ARMH3: variants seen among roughly 807,000 people sequenced by gnomAD.
ARMH3 encodes armadillo-like helical domain-containing protein 3.
In ARMH3, 60 loss-of-function variants were observed where a neutral mutation model predicts 99.1. The ratio of observed to expected loss-of-function variants is 0.61; its 90% CI spans 0.49 to 0.75. ARMH3 has a LOEUF of 0.75. ARMH3 is among the 30% of genes least tolerant of loss of function. The pLI is 0.00. For synonymous variants in ARMH3, 285 were observed against 292.8 expected, an observed-to-expected ratio of 0.97 and a Z score of 0.27; for missense variants, 679 against 843.1, an observed-to-expected ratio of 0.81 and a Z score of 2.41.
At chr10:102,040,206 T>C in intron 1 of ARMH3, 81 bp from the exon 2 acceptor site, 2 of 1,200,458 alleles carry the variant, frequency 1.7e-6, no homozygotes, top group South Asian at 1.2e-5. Flanking sequence ...CATACATTTG[T>C]CCAAGCCCAT....
chr10:101,961,429 G>A (rs984542129), intron 20 of ARMH3, among the ~76,000 whole-genome samples: 3 of 151,962 alleles, frequency 2.0e-5, no homozygotes, highest in African/African-American at 7.3e-5. Context: ...ACATTAAAGG[G>A]AGCCAAGATC....
At chr10:102,054,815 G>A (rs2067797189) in intron 1 of ARMH3, among the ~76,000 whole-genome samples, 1 of 151,978 alleles carries the variant, frequency 6.6e-6, no homozygotes, top group South Asian at 2.1e-4. Flanking sequence ...GGCCAACATG[G>A]CGAAACCCTG....
At chr10:101,918,242 C>T (rs888316797) in intron 23 of ARMH3, among the ~76,000 whole-genome samples, 40 of 152,198 alleles carry the variant, frequency 2.6e-4, no homozygotes, top group African/African-American at 8.4e-4. Flanking sequence ...TTAGTAGAGA[C>T]GGGGTTTCAC....
At chr10:102,055,483 T>A (rs2067822909) in intron 1 of ARMH3, among the ~76,000 whole-genome samples, 1 of 152,204 alleles carries the variant, frequency 6.6e-6, no homozygotes, top group Middle Eastern at 3.4e-3. Context: ...TTCTCTCTAC[T>A]TTTTCCTTCC....
chr10:101,948,318 G>C (rs1347827059), intron 22 of ARMH3, among the ~76,000 whole-genome samples: 1 of 152,150 alleles, frequency 6.6e-6, no homozygotes, highest in Non-Finnish European at 1.5e-5. Flanking sequence ...TTAAGTCCAA[G>C]AGTTTGAGGA....
At chr10:101,933,165 G>A (rs549308642) in intron 23 of ARMH3, among the ~76,000 whole-genome samples, 46 of 152,150 alleles carry the variant, frequency 3.0e-4, no homozygotes, top group Non-Finnish European at 5.1e-4. Flanking sequence ...CAGCCTGGGC[G>A]ACAGAGCAAG....
chr10:101,939,717 T>C, intron 23 of ARMH3, 146 bp downstream of exon 23: 1 of 590,730 alleles, frequency 1.7e-6, no homozygotes. Flanking sequence ...CCTGCTTTTC[T>C]TGATCAAGTA....
chr10:102,051,043 A>C (rs1239181156), intron 1 of ARMH3, among the ~76,000 whole-genome samples: 4 of 151,752 alleles, frequency 2.6e-5, no homozygotes, highest in Non-Finnish European at 4.4e-5. Flanking sequence ...AATCCCAGCT[A>C]TTCAAGAGGC....
At chr10:102,049,829 T>C (rs937882782) in intron 1 of ARMH3, among the ~76,000 whole-genome samples, 3 of 151,988 alleles carry the variant, frequency 2.0e-5, no homozygotes, top group African/African-American at 4.8e-5. Context: ...AGTGCTAGAA[T>C]TACAGGCATG....
At chr10:102,025,104 C>T in intron 6 of ARMH3, 52 bp downstream of exon 6, 1 of 1,447,810 alleles carries the variant, frequency 6.9e-7, no homozygotes, top group Non-Finnish European at 9.7e-7. Context: ...AGTATTCAAA[C>T]AGGATTGCCC....
intron 24 of ARMH3, among the ~76,000 whole-genome samples, chr10:101,861,266 T>C (rs143989333): frequency 6.6e-6 from 1 of 152,322 alleles, no homozygotes; most frequent in African/African-American, 2.4e-5. Flanking sequence ...CCAGAAAATA[T>C]GTAAGCCAGA....
At chr10:101,865,846 T>C (rs2066989534) in intron 24 of ARMH3, among the ~76,000 whole-genome samples, 1 of 152,128 alleles carries the variant, frequency 6.6e-6, no homozygotes, top group South Asian at 2.1e-4. Context: ...CAAGTGTGAC[T>C]ATCCACTTAA....
At chr10:102,023,417 G>C (rs570793739) in intron 8 of ARMH3, 60 bp downstream of exon 8, 30 of 1,454,708 alleles carry the variant, frequency 2.1e-5, no homozygotes, top group Non-Finnish European at 2.9e-5. Flanking sequence ...TCCTTTAGGA[G>C]GGGCCGCATT....
At chr10:101,969,402 T>C (rs959265711) in intron 20 of ARMH3, among the ~76,000 whole-genome samples, 3 of 152,264 alleles carry the variant, frequency 2.0e-5, no homozygotes, top group Non-Finnish European at 2.9e-5. Context: ...AAGCTACATC[T>C]ACACAAGAAC....
At chr10:101,913,515 G>A (rs539197270) in intron 23 of ARMH3, among the ~76,000 whole-genome samples, 1 of 151,610 alleles carries the variant, frequency 6.6e-6, no homozygotes, top group African/African-American at 2.4e-5. Context: ...ACAGGTGCAC[G>A]TCACATACCC....
In ARMH3 at chr10:101,873,068, T is replaced by G. The variant is rs568569373; in HGVS notation, c.1860+16344A>C. Among the ~76,000 whole-genome samples, 9 of 152,114 alleles carry G rather than the reference T, an allele frequency of 5.9e-5. No homozygotes were observed. In the South Asian group the frequency reaches 1.9e-3, roughly 32 times the overall value. Reference sequence around the variant, plus strand: ...ACATGGTGTAGTTGGAACTTTCGTATGTTCGTTGATTGGAATGAGAAATGG... The same window carrying G: ...ACATGGTGTAGTTGGAACTTTCGTAGGTTCGTTGATTGGAATGAGAAATGG... On this transcript the variant is annotated intron_variant, in intron 24 of 25. Transcript: ENST00000370033.
chr10:101,963,864 TTC>T (rs1845418027), intron 20 of ARMH3, among the ~76,000 whole-genome samples: 1 of 151,244 alleles, frequency 6.6e-6, no homozygotes, highest in African/African-American at 2.4e-5. Context: ...AAAGTAGGGG[TTC>T]TCTTTTTCTT....
At chr10:101,863,742 T>C (rs897114670) in intron 24 of ARMH3, among the ~76,000 whole-genome samples, 1 of 151,060 alleles carries the variant, frequency 6.6e-6, no homozygotes, top group East Asian at 1.9e-4. Flanking sequence ...CTGGGCAACA[T>C]AGTGAGACTC....
chr10:102,024,810 C>G (rs1026683846), intron 6 of ARMH3, among the ~76,000 whole-genome samples: 2 of 149,760 alleles, frequency 1.3e-5, no homozygotes, highest in African/African-American at 4.9e-5. Context: ...CGGAGCAAGA[C>G]TCTGTCTCAA....
Sources: allele counts gnomAD v4.1 joint callset (sites outside exome capture counted in the v4.1 genomes callset), GRCh38; gene constraint gnomAD v4.1.1; transcripts MANE v1.5; gene names NCBI Gene and HGNC (gene_info 2026-07-23, HGNC 2026-07-21).